The following WDR27 variants were observed in gnomAD, a reference collection of about 807,000 sequenced individuals.
The protein encoded by WDR27 is WD repeat domain 27.
A neutral mutation model predicts 114.4 loss-of-function variants in WDR27; 100 were observed. The observed-to-expected ratio is 0.87, with a 90% CI of 0.74 to 1.03. The LOEUF is 1.03. Ranked by LOEUF, WDR27 falls within the 50% of genes least tolerant of loss-of-function variation. The pLI is 0.00. For missense variants in WDR27, 1,129 were observed against 1,092.9 expected, an observed-to-expected ratio of 1.03 and a Z score of -0.47; for synonymous variants, 449 against 423.1, an observed-to-expected ratio of 1.06 and a Z score of -0.75.
intron 25 of WDR27, among the ~76,000 whole-genome samples, chr6:169,535,953 C>T (rs769121432): frequency 5.9e-5 from 9 of 152,242 alleles, no homozygotes; most frequent in Non-Finnish European, 7.3e-5. Flanking sequence ...AAATCCAATA[C>T]TGTTCCCACA....
At chr6:169,438,308 G>A in the WDR27 span, among the ~76,000 whole-genome samples, 1 of 146,828 alleles carries the variant, frequency 6.8e-6, no homozygotes, top group East Asian at 2.0e-4. Context: ...CGCGATCTCA[G>A]CTCACTGCAA....
chr6:169,534,775 CT>C lies in WDR27; in HGVS notation c.2645+37643del, dbSNP rs199803193. On this transcript the variant is annotated intron_variant, in intron 25 of 25. Coordinates refer to ENST00000448612, the MANE Select transcript of WDR27 (RefSeq NM_182552.5). The stretch of plus-strand genomic sequence containing the variant: ...CTGATTTTAGTAATTTGAGTCTTCT[CT>C]TTTTTTTTCTTGGTCAGCTCTAGCT... 1.4e-4 allele frequency among the ~76,000 whole-genome samples: 21 copies of C among 150,758 alleles called. No individual in the cohort carries two copies. In the South Asian group the frequency reaches 3.6e-3, roughly 26 times the overall value.
intron 2 of WDR27, 118 bp downstream of exon 2, chr6:169,688,699 T>A: frequency 1.8e-6 from 1 of 550,042 alleles, no homozygotes; most frequent in Non-Finnish European, 3.0e-6. Context: ...TTATCAATAT[T>A]TTTCTCCTAT....
the WDR27 span, among the ~76,000 whole-genome samples, chr6:169,438,098 T>C: frequency 6.6e-6 from 1 of 152,204 alleles, no homozygotes; most frequent in African/African-American, 2.4e-5. Context: ...TCCAACTTCT[T>C]TTCCATTGTT....
At chr6:169,498,398 AT>A (rs1790680233) in intron 25 of WDR27, among the ~76,000 whole-genome samples, 1 of 152,222 alleles carries the variant, frequency 6.6e-6, no homozygotes, top group Non-Finnish European at 1.5e-5. Context: ...AATGCACTCA[AT>A]ATTGCTAAAC....
chr6:169,513,830 C>T (rs184307177), intron 25 of WDR27, among the ~76,000 whole-genome samples: 2 of 152,074 alleles, frequency 1.3e-5, no homozygotes, highest in East Asian at 3.9e-4. Context: ...TGCCAATAGA[C>T]ATGGGCACAG....
the WDR27 span, among the ~76,000 whole-genome samples, chr6:169,447,748 G>A: frequency 6.6e-6 from 1 of 152,098 alleles, no homozygotes; most frequent in African/African-American, 2.4e-5. Flanking sequence ...TGTTTGTTTT[G>A]GTACTTCCTT....
Position 169,664,151 on chromosome 6 carries a change from G to A in WDR27, c.904+15C>T. On this transcript the variant is annotated intron_variant, in intron 8 of 25. Transcript: ENST00000448612. ...GGCCAAGTGGGAGGCCTGAGGGAGGGTCTGAGCAACCCACCTGGCTGGCTG... is the reference window on the plus strand; with the variant it reads ...GGCCAAGTGGGAGGCCTGAGGGAGGATCTGAGCAACCCACCTGGCTGGCTG... 1 of 1,572,508 alleles carries A rather than the reference G, an allele frequency of 6.4e-7. No individual in the cohort carries two copies.
At chr6:169,558,491 G>A (rs966895597) in intron 25 of WDR27, 1 of 152,170 alleles carries the variant, frequency 6.6e-6, no homozygotes, top group Non-Finnish European at 1.5e-5. Flanking sequence ...GGGTCTTGCT[G>A]GTCAAATGAA....
intron 25 of WDR27, among the ~76,000 whole-genome samples, chr6:169,503,240 C>G (rs977326828): frequency 1.3e-5 from 2 of 152,148 alleles, no homozygotes; most frequent in South Asian, 2.1e-4. Context: ...CAGCTTCTGA[C>G]GCTAATTAAC....
intron 25 of WDR27, among the ~76,000 whole-genome samples, chr6:169,551,148 T>C (rs1471783182): frequency 6.6e-6 from 1 of 152,168 alleles, no homozygotes; most frequent in Non-Finnish European, 1.5e-5. Context: ...TCATGCTATT[T>C]TGGAAAGGTG....
intron 25 of WDR27, among the ~76,000 whole-genome samples, chr6:169,562,895 A>G (rs1053232890): frequency 6.6e-6 from 1 of 152,102 alleles, no homozygotes; most frequent in African/African-American, 2.4e-5. Flanking sequence ...TGCAGGTGAC[A>G]AGTCAGGAGG....
intron 25 of WDR27, among the ~76,000 whole-genome samples, chr6:169,476,096 A>C (rs910745978): frequency 1.3e-5 from 2 of 152,212 alleles, no homozygotes; most frequent in Admixed American, 6.5e-5. Flanking sequence ...CAGGGCTTGC[A>C]TGTCTGACAT....
chr6:169,581,185 C>G (rs1194293494), intron 24 of WDR27, among the ~76,000 whole-genome samples: 1 of 151,806 alleles, frequency 6.6e-6, no homozygotes, highest in African/African-American at 2.4e-5. Context: ...AGAGACCTAC[C>G]CAACCTTTTT....
intron 16 of WDR27, 69 bp downstream of exon 16, chr6:169,647,704 G>T: frequency 7.9e-7 from 1 of 1,262,018 alleles, no homozygotes; most frequent in Non-Finnish European, 1.1e-6. Flanking sequence ...ATAGAAAAAT[G>T]TTTACAGTGG....
intron 23 of WDR27, among the ~76,000 whole-genome samples, chr6:169,599,534 T>C (rs1428966754): frequency 2.6e-5 from 4 of 152,208 alleles, no homozygotes; most frequent in South Asian, 2.1e-4. Context: ...CTAGATTTTC[T>C]AGTTTATTTG....
chr6:169,604,869 C>CA (rs997771901), intron 22 of WDR27, among the ~76,000 whole-genome samples: 16 of 150,158 alleles, frequency 1.1e-4, no homozygotes, highest in Admixed American at 2.0e-4. Flanking sequence ...TCAATAAATG[C>CA]AAAAAAAAGC....
At chr6:169,699,654 C>T (rs970093790) in intron 1 of WDR27, among the ~76,000 whole-genome samples, 72 of 152,086 alleles carry the variant, frequency 4.7e-4, no homozygotes, top group African/African-American at 1.2e-3. Flanking sequence ...CAGATGAGAC[C>T]GTGGAGGAAA....
At chr6:169,562,684 C>CAT (rs1320144986) in intron 25 of WDR27, among the ~76,000 whole-genome samples, 1 of 152,138 alleles carries the variant, frequency 6.6e-6, no homozygotes, top group East Asian at 1.9e-4. Flanking sequence ...GGGGAGGGCA[C>CAT]ATGGGCATCA....
Sources: allele counts gnomAD v4.1 joint callset (sites outside exome capture counted in the v4.1 genomes callset), GRCh38; gene constraint gnomAD v4.1.1; transcripts MANE v1.5; gene names NCBI Gene and HGNC (gene_info 2026-07-23, HGNC 2026-07-21).